ASIP: variants seen among roughly 807,000 people sequenced by gnomAD.
The protein encoded by ASIP is agouti-signaling protein.
Under a neutral mutation model 10.3 loss-of-function variants are expected in ASIP, and 11 were observed. The observed-to-expected ratio is 1.07, with a 90% CI of 0.68 to 1.78. The LOEUF (loss-of-function observed/expected upper bound fraction) is 1.78, where lower values mean the gene tolerates loss of function less well. Among genes scored for constraint, ASIP ranks in the 40% most tolerant of loss-of-function variants. The probability of loss-of-function intolerance (pLI) is 0.00; values close to 1 mark genes in which losing one functional copy is unlikely to be tolerated. For synonymous variants in ASIP, 70 were observed against 70.8 expected, an observed-to-expected ratio of 0.99 and a Z score of 0.06; for missense variants, 180 against 169.2, an observed-to-expected ratio of 1.06 and a Z score of -0.35.
intron 1 of ASIP, among the ~76,000 whole-genome samples, chr20:34,248,682 C>T (rs2035421065): frequency 6.6e-6 from 1 of 151,920 alleles, no homozygotes; most frequent in South Asian, 2.1e-4. Context: ...CACCTGTAGT[C>T]TCAGCTCCTT....
chr20:34,190,793 T>G (rs982478742), upstream of ASIP, among the ~76,000 whole-genome samples: 1 of 152,162 alleles, frequency 6.6e-6, no homozygotes, highest in African/African-American at 2.4e-5. Flanking sequence ...AGTGCAGACT[T>G]GAGGATGTGT....
intron 1 of ASIP, among the ~76,000 whole-genome samples, chr20:34,258,682 T>TATATATATATATATATATATATATAC (rs1568768641): frequency 4.2e-5 from 3 of 71,074 alleles, no homozygotes; most frequent in Non-Finnish European, 6.6e-5. Flanking sequence ...GCCATATATA[T>TATATATATATATATATATATATATAC]ATATATATAC....
intron 1 of ASIP, among the ~76,000 whole-genome samples, chr20:34,233,143 CTTTTTT>C (rs755217642): frequency 1.0e-5 from 1 of 100,314 alleles, no homozygotes; most frequent in Non-Finnish European, 1.9e-5. Flanking sequence ...GGGACAAGAG[CTTTTTT>C]TTTTTTTTTT....
Position 34,243,103 on chromosome 20 carries a change from C to T in ASIP, c.-11+1614C>T, listed in dbSNP as rs138495646. Reference sequence around the variant, plus strand: ...GGAATGAACATCTGGGAAGCCTAGACTCTGACCCCTGTTTCAGTGGAACAG... The same window carrying T: ...GGAATGAACATCTGGGAAGCCTAGATTCTGACCCCTGTTTCAGTGGAACAG... On this transcript the variant is annotated intron_variant, in intron 1 of 3. Coordinates refer to ENST00000374954, the MANE Select transcript of ASIP (RefSeq NM_001672.3). Among the ~76,000 whole-genome samples the T allele has an allele frequency of 6.9e-4, 105 of 152,340 alleles. 1 individual carries two copies. Among genetic ancestry groups the T allele is most frequent in the Non-Finnish European group, 1.1e-3 (75 of 68,024 alleles).
chr20:34,268,614 T>G (rs2035829563), intron 3 of ASIP, among the ~76,000 whole-genome samples: 1 of 151,556 alleles, frequency 6.6e-6, no homozygotes, highest in Admixed American at 6.6e-5. Flanking sequence ...TGCGCACATG[T>G]GGTCCCAGCT....
chr20:34,213,503 C>A (rs770930018), intron 1 of ASIP: 9 of 1,447,476 alleles, frequency 6.2e-6, no homozygotes, highest in Non-Finnish European at 8.5e-6. Context: ...GTCTCTAAAG[C>A]AGCAGACTGG....
chr20:34,190,254 C>T (rs756827547), upstream of ASIP, among the ~76,000 whole-genome samples: 3 of 152,120 alleles, frequency 2.0e-5, no homozygotes, highest in Non-Finnish European at 2.9e-5. Context: ...AGTCACACCT[C>T]GTTTTACCAG....
At chr20:34,208,252 T>A (rs541554293) in intron 1 of ASIP, among the ~76,000 whole-genome samples, 1 of 152,340 alleles carries the variant, frequency 6.6e-6, no homozygotes, top group South Asian at 2.1e-4. Context: ...TTTTTTCTGT[T>A]TGATCAGGAT....
chr20:34,203,556 C>T (rs1391916058), intron 1 of ASIP, among the ~76,000 whole-genome samples: 2 of 151,836 alleles, frequency 1.3e-5, no homozygotes, highest in Non-Finnish European at 2.9e-5. Flanking sequence ...TGCCACCACA[C>T]GTGGCTAATC....
In ASIP at chr20:34,269,093, G is replaced by C. The variant is rs2035842567; in HGVS notation, c.325G>C (p.Asp109His). ...SCKPPAPACC[D>H]PCASCQCRFF... ...CAAGCCGCCGGCACCCGCCTGCTGC[G>C]ACCCGTGCGCCTCCTGCCAGTGCCG... Residue 109 changes from aspartate to histidine, a missense_variant, in exon 4 of 4, where the codon GAC (aspartate) becomes CAC (histidine). Transcript: ENST00000374954. 6.4e-7 allele frequency: 1 copy of C among 1,572,476 alleles called. No homozygotes were observed. Among genetic ancestry groups the C allele is most frequent in the Non-Finnish European group, 8.6e-7 (1 of 1,159,992 alleles).
At chr20:34,203,602 G>T (rs2034915197) in intron 1 of ASIP, among the ~76,000 whole-genome samples, 1 of 151,964 alleles carries the variant, frequency 6.6e-6, no homozygotes, top group Non-Finnish European at 1.5e-5. Context: ...TCGCCACGTT[G>T]GCCTGGCTGG....
chr20:34,226,889 C>G (rs1290519604), intron 1 of ASIP, among the ~76,000 whole-genome samples: 2 of 151,998 alleles, frequency 1.3e-5, no homozygotes, highest in African/African-American at 2.4e-5. Flanking sequence ...CACACCTGGC[C>G]CCATACTTGA....
chr20:34,197,157 G>A (rs1030362356), intron 1 of ASIP, among the ~76,000 whole-genome samples: 3 of 152,048 alleles, frequency 2.0e-5, no homozygotes, highest in East Asian at 1.9e-4. Context: ...GGTGGATCAC[G>A]AGGTCAAGAG....
At chr20:34,249,365 T>G (rs2035436687) in intron 1 of ASIP, among the ~76,000 whole-genome samples, 1 of 151,696 alleles carries the variant, frequency 6.6e-6, no homozygotes, top group Non-Finnish European at 1.5e-5. Flanking sequence ...GAGCCCTGGT[T>G]AGACAGCTGA....
intron 1 of ASIP, among the ~76,000 whole-genome samples, chr20:34,205,394 G>A (rs566229711): frequency 2.7e-5 from 4 of 149,890 alleles, no homozygotes; most frequent in African/African-American, 7.5e-5. Context: ...CGGCGCATCC[G>A]GAGTTGTTCA....
intron 1 of ASIP, among the ~76,000 whole-genome samples, chr20:34,210,021 C>T (rs2034963349): frequency 6.6e-6 from 1 of 152,218 alleles, no homozygotes; most frequent in South Asian, 2.1e-4. Flanking sequence ...TTGGGACAAC[C>T]TGCTACAGAG....
At chr20:34,251,116 C>T (rs2122632327) in intron 1 of ASIP, among the ~76,000 whole-genome samples, 1 of 152,314 alleles carries the variant, frequency 6.6e-6, no homozygotes, top group East Asian at 1.9e-4. Context: ...ACACTCACTG[C>T]TATTAATACA....
At chr20:34,256,724 C>T (rs6120580) in intron 1 of ASIP, among the ~76,000 whole-genome samples, 36,537 of 152,130 alleles carry the variant, frequency 0.24, 7,252 homozygotes, top group African/African-American at 0.54. Context: ...AATAACTACA[C>T]GTACCGCCTC....
intron 1 of ASIP, among the ~76,000 whole-genome samples, chr20:34,247,417 C>T (rs1000850966): frequency 6.6e-6 from 1 of 151,372 alleles, no homozygotes; most frequent in Non-Finnish European, 1.5e-5. Context: ...TCTCCTGCCT[C>T]AGCCTCCCGA....
Sources: gnomAD v4.1 joint callset for allele counts (sites outside exome capture counted in the v4.1 genomes callset) on GRCh38, gnomAD v4.1.1 for gene constraint, MANE v1.5 for transcripts, NCBI Gene and HGNC (gene_info 2026-07-23, HGNC 2026-07-21) for gene names.